The following ATP8B4 variants were observed in gnomAD, a reference collection of about 807,000 sequenced individuals.
ATP8B4 encodes the protein probable phospholipid-transporting ATPase IM.
In ATP8B4, 133 loss-of-function variants were observed where a neutral mutation model predicts 145.6. The observed-to-expected ratio is 0.91, with a 90% confidence interval of 0.79 to 1.05. ATP8B4 has a LOEUF of 1.05. ATP8B4 is among the 50% of genes least tolerant of loss of function. The pLI, the probability that ATP8B4 is intolerant of heterozygous loss-of-function variation, is 0.00. For synonymous variants in ATP8B4, 507 were observed against 492.9 expected, an observed-to-expected ratio of 1.03 and a Z score of -0.38; for missense variants, 1,458 against 1,425.2, an observed-to-expected ratio of 1.02 and a Z score of -0.37.
At chr15:50,081,738 A>T (rs2054570876) in intron 2 of ATP8B4, among the ~76,000 whole-genome samples, 1 of 152,236 alleles carries the variant, frequency 6.6e-6, no homozygotes, top group Non-Finnish European at 1.5e-5. Flanking sequence ...AGTTTCCACT[A>T]GACCCACGAG....
At chr15:49,933,249 T>C (rs2041425798) in intron 15 of ATP8B4, among the ~76,000 whole-genome samples, 1 of 151,914 alleles carries the variant, frequency 6.6e-6, no homozygotes. Context: ...GCACATGCAA[T>C]ATATTTAACA....
intron 2 of ATP8B4, among the ~76,000 whole-genome samples, chr15:50,096,378 A>G (rs377041712): frequency 1.3e-5 from 2 of 152,228 alleles, no homozygotes; most frequent in African/African-American, 4.8e-5. Context: ...AACCTAGCCC[A>G]TATCCTGAGT....
chr15:50,038,245 A>G (rs1423708197), intron 6 of ATP8B4, among the ~76,000 whole-genome samples: 1 of 152,186 alleles, frequency 6.6e-6, no homozygotes, highest in Non-Finnish European at 1.5e-5. Flanking sequence ...TGATTCTAGC[A>G]CTGTTCCCAC....
chr15:50,175,754 T>G (rs937608763), intron 1 of ATP8B4, among the ~76,000 whole-genome samples: 22 of 152,212 alleles, frequency 1.4e-4, no homozygotes, highest in African/African-American at 4.3e-4. Flanking sequence ...CTAGTGGGAA[T>G]GTAAACTAGT....
chr15:50,140,068 G>A (rs960947646), intron 1 of ATP8B4, among the ~76,000 whole-genome samples: 1 of 152,114 alleles, frequency 6.6e-6, no homozygotes, highest in African/African-American at 2.4e-5. Context: ...ATTGGGTACA[G>A]TGTGCACTAT....
intron 3 of ATP8B4, among the ~76,000 whole-genome samples, chr15:50,054,860 G>A (rs1238411296): frequency 3.6e-5 from 5 of 140,760 alleles, no homozygotes; most frequent in African/African-American, 1.1e-4. Flanking sequence ...TCCTGTTAAC[G>A]ACACATGTAA....
At chr15:50,114,361 G>A (rs1341555651) in intron 1 of ATP8B4, 6 of 152,028 alleles carry the variant, frequency 3.9e-5, no homozygotes, top group South Asian at 2.1e-4. Flanking sequence ...GAGAACATAC[G>A]ATGTTTGGTT....
At chr15:50,118,361 TA>T (rs1423973149) in intron 1 of ATP8B4, among the ~76,000 whole-genome samples, 4 of 152,056 alleles carry the variant, frequency 2.6e-5, no homozygotes, top group Non-Finnish European at 1.5e-5. Flanking sequence ...AAAATACATT[TA>T]AAAAAATCAA....
chr15:49,861,034 AT>A (rs1322416836), intron 27 of ATP8B4, among the ~76,000 whole-genome samples: 1 of 89,684 alleles, frequency 1.1e-5, no homozygotes, highest in Non-Finnish European at 2.8e-5. Context: ...CAACTCTTTC[AT>A]TCCCCTGTAA....
intron 23 of ATP8B4, among the ~76,000 whole-genome samples, chr15:49,891,865 C>T (rs1404067640): frequency 1.3e-5 from 2 of 152,014 alleles, no homozygotes. Context: ...CCTGTAATCC[C>T]AGCATTTTGA....
chr15:50,047,398 A>G lies in ATP8B4; in HGVS notation c.154T>C (p.Phe52Leu). Residue 52 changes from phenylalanine to leucine, a missense_variant, in exon 4 of 28, where the codon TTC becomes CTC. By Grantham distance (22) the Phe-to-Leu change is conservative (BLOSUM62 0). Coordinates refer to ENST00000284509, the MANE Select transcript of ATP8B4 (RefSeq NM_024837.4). The stretch of plus-strand genomic sequence containing the variant: ...AAATAGGCATTTGCCACTCTTTGGA[A>G]CTGTTCAAATAAATTAATTGGCAAG... ...TFLPINLFEQFQRVANAYFLC... is the reference protein window; with the variant it reads ...TFLPINLFEQLQRVANAYFLC... 1 of 1,600,182 alleles carries G rather than the reference A, an allele frequency of 6.2e-7. No individual in the cohort carries two copies. Among genetic ancestry groups the G allele is most frequent in the Non-Finnish European group, 8.6e-7 (1 of 1,167,376 alleles).
At chr15:50,130,179 G>A (rs1441126208) in intron 1 of ATP8B4, among the ~76,000 whole-genome samples, 1 of 152,062 alleles carries the variant, frequency 6.6e-6, no homozygotes. Context: ...GGTCTTAACT[G>A]CATTCTCACT....
chr15:49,946,740 T>C (rs1269275102), intron 14 of ATP8B4, among the ~76,000 whole-genome samples: 1 of 152,192 alleles, frequency 6.6e-6, no homozygotes, highest in Non-Finnish European at 1.5e-5. Flanking sequence ...TTATTTCTTA[T>C]CATGGTGGTG....
intron 2 of ATP8B4, among the ~76,000 whole-genome samples, chr15:50,078,251 G>A (rs767311538): frequency 4.0e-5 from 6 of 151,214 alleles, no homozygotes; most frequent in Non-Finnish European, 5.9e-5. Flanking sequence ...CACAATTGTA[G>A]TTCACTGCAG....
intron 20 of ATP8B4, among the ~76,000 whole-genome samples, chr15:49,908,872 GGCTACCTTACATATAGCT>G (rs1366431167): frequency 1.3e-5 from 2 of 152,068 alleles, no homozygotes. Flanking sequence ...CCTAAGGATA[GGCTACCTTACATATAGCT>G]GCCACCTACA....
chr15:50,042,631 T>G (rs1239172705), intron 5 of ATP8B4, among the ~76,000 whole-genome samples: 2 of 152,204 alleles, frequency 1.3e-5, no homozygotes, highest in African/African-American at 4.8e-5. Context: ...TTCATGAACA[T>G]GACCCACCTC....
chr15:49,997,373 G>A (rs2047514236), intron 8 of ATP8B4, among the ~76,000 whole-genome samples: 1 of 152,110 alleles, frequency 6.6e-6, no homozygotes, highest in African/African-American at 2.4e-5. Flanking sequence ...TAAATGGCCA[G>A]CAGTTAAGAT....
intron 6 of ATP8B4, among the ~76,000 whole-genome samples, chr15:50,036,907 C>T (rs1001781014): frequency 6.6e-6 from 1 of 152,192 alleles, no homozygotes; most frequent in Non-Finnish European, 1.5e-5. Flanking sequence ...CTTTTCAATA[C>T]ATCATGCCAT....
rs1447508926 is a variant in ATP8B4, at chr15:49,858,663, A to C, written c.*1531T>G. 2.6e-5 allele frequency: 4 copies of C among 152,200 alleles called. No individual in the cohort carries two copies. Among genetic ancestry groups the C allele is most frequent in the Non-Finnish European group, 4.4e-5 (3 of 68,032 alleles). The allele number at this position is 152,200 out of a possible 1,614,324, so 9.4% of individuals were successfully genotyped here. A position where few individuals can be genotyped will look rare whatever the true frequency, so the allele number is the denominator to read the frequency against. ...TTGATTTGTAGAAAACCATTAAGAC[A>C]TGATGCTTTATTTTTGCTTTCTGGT... On this transcript the variant is annotated 3_prime_UTR_variant, in exon 28 of 28. Coordinates refer to ENST00000284509, the MANE Select transcript of ATP8B4 (RefSeq NM_024837.4).
Sources: allele counts gnomAD v4.1 joint callset (sites outside exome capture counted in the v4.1 genomes callset), GRCh38; gene constraint gnomAD v4.1.1; transcripts MANE v1.5; gene names NCBI Gene and HGNC (gene_info 2026-07-23, HGNC 2026-07-21).